WASHC4: variants seen among roughly 807,000 people sequenced by gnomAD.
WASHC4 encodes WASH complex subunit 4.
A neutral mutation model predicts 166.6 loss-of-function variants in WASHC4; 86 were observed. The ratio of observed to expected loss-of-function variants is 0.52; its 90% CI spans 0.43 to 0.62. WASHC4 has a LOEUF of 0.62. Ranked by LOEUF, WASHC4 falls within the 20% of genes least tolerant of loss-of-function variation. The pLI, the probability that WASHC4 is intolerant of heterozygous loss-of-function variation, is 0.00. For missense variants in WASHC4, 1,262 were observed against 1,382.4 expected (o/e 0.91, Z 1.38); for synonymous variants, 446 against 451.6 (o/e 0.99, Z 0.16).
At chr12:105,131,156 G>T (rs948831340) in intron 13 of WASHC4, among the ~76,000 whole-genome samples, 1 of 149,942 alleles carries the variant, frequency 6.7e-6, no homozygotes, top group Admixed American at 6.6e-5. Flanking sequence ...GCGCAATCTC[G>T]GCTCACTGCA....
Position 105,167,259 on chromosome 12 carries a change from T to G in WASHC4, c.*328T>G. The G allele has an allele frequency of 3.3e-6, 1 of 301,014 alleles. No homozygotes were observed. Among genetic ancestry groups the G allele is most frequent in the South Asian group, 3.9e-5 (1 of 25,820 alleles). 18.6% of individuals were successfully genotyped at this position (301,014 alleles called of 1,614,324 possible). On this transcript the variant is annotated 3_prime_UTR_variant, in exon 33 of 33. Transcript: ENST00000332180. ...TCTTGTAATCTACATGTTTGTAATT[T>G]GTATTTGCATAGATCTTTGATCTAT...
intron 24 of WASHC4, chr12:105,148,752 A>G: frequency 1.0e-6 from 1 of 985,444 alleles, no homozygotes; most frequent in South Asian, 4.7e-5. Flanking sequence ...CATTAGTAAT[A>G]CTTGAGAGTT....
chr12:105,146,631 AAAT>A (rs1350285895), intron 23 of WASHC4, 105 bp downstream of exon 23: 9 of 709,376 alleles, frequency 1.3e-5, no homozygotes, highest in East Asian at 5.3e-5. Flanking sequence ...ATGAAACAAA[AAAT>A]AATTGTTTTC....
At chr12:105,143,281 T>G in intron 20 of WASHC4, 38 bp downstream of exon 20, 1 of 1,193,906 alleles carries the variant, frequency 8.4e-7, no homozygotes, top group South Asian at 1.2e-5. Context: ...TTAAAACATG[T>G]TTGGAATGTA....
chr12:105,151,087 G>A (rs111464963), intron 25 of WASHC4, among the ~76,000 whole-genome samples: 9 of 141,502 alleles, frequency 6.4e-5, no homozygotes, highest in African/African-American at 2.1e-4. Flanking sequence ...GGAGGTTGCA[G>A]TGAGCCGAGA....
chr12:105,118,228 T>G (rs1036249408), intron 6 of WASHC4, among the ~76,000 whole-genome samples: 1 of 152,140 alleles, frequency 6.6e-6, no homozygotes, highest in Non-Finnish European at 1.5e-5. Flanking sequence ...ATGAATGAAA[T>G]GCAGTGGGAA....
At chr12:105,142,359 A>T (rs1566016769) in intron 18 of WASHC4, 94 bp from the exon 19 acceptor site, 3 of 768,556 alleles carry the variant, frequency 3.9e-6, no homozygotes, top group Non-Finnish European at 7.0e-6. Flanking sequence ...ACTGTGTAAG[A>T]TGGAACTCTT....
chr12:105,151,054 A>G lies in WASHC4; in HGVS notation c.2650-1289A>G, dbSNP rs377159910. 3.5e-4 allele frequency among the ~76,000 whole-genome samples: 53 copies of G among 151,364 alleles called. 1 individual carries two copies. Among genetic ancestry groups the G allele is most frequent in the Middle Eastern group, 3.4e-3 (1 of 294 alleles). The stretch of plus-strand genomic sequence containing the variant: ...AGCCAAGCTATATCACTGAGGCACA[A>G]GAATCACTTGAACCTAGGAGGTGGA... On this transcript the variant is annotated intron_variant, in intron 25 of 32. Transcript: ENST00000332180.
intron 10 of WASHC4, among the ~76,000 whole-genome samples, chr12:105,125,479 T>C (rs1385124734): frequency 6.6e-6 from 1 of 152,204 alleles, no homozygotes; most frequent in Admixed American, 6.5e-5. Flanking sequence ...ACAAAAGTTA[T>C]ATGAAGATTT....
At position 105,114,398 on chromosome 12, in the gene WASHC4, T is replaced by C; in HGVS notation, c.292T>C (p.Cys98Arg). The change falls in exon 4 of 33, where the codon TGT (cysteine) becomes CGT (arginine). Residue 98 changes from cysteine (C) to arginine (R), a missense_variant. Transcript: ENST00000332180. Reference protein sequence around the residue: ...NKVITVYAALCCEIKKLKYEA... With the variant: ...NKVITVYAALRCEIKKLKYEA... The stretch of plus-strand genomic sequence containing the variant: ...AGTCATCACTGTTTATGCTGCACTT[T>C]GTTGTGAAATCAAGAAATTAAAATA... 1.3e-6 allele frequency: 2 copies of C among 1,596,408 alleles called. No homozygotes were observed. Among genetic ancestry groups the C allele is most frequent in the Non-Finnish European group, 1.7e-6 (2 of 1,169,254 alleles).
rs564918895 is a variant in WASHC4, at chr12:105,119,076, A to G, written c.518+548A>G. Among the ~76,000 whole-genome samples, 3 of 152,358 alleles carry G rather than the reference A, an allele frequency of 2.0e-5. No individual in the cohort carries two copies. The South Asian group carries it at 6.2e-4, about 32-fold the overall frequency. On this transcript the variant is annotated intron_variant, in intron 7 of 32. Transcript: ENST00000332180. ...TTGGAGGGCTGAAAGGACAAAGAGA[A>G]CAGTGAGTTCATCCGGAGGAAACAG...
intron 26 of WASHC4, among the ~76,000 whole-genome samples, chr12:105,153,550 A>T (rs1214894307): frequency 1.3e-5 from 2 of 152,224 alleles, no homozygotes; most frequent in Non-Finnish European, 2.9e-5. Flanking sequence ...CGGCAAACTT[A>T]TGGAGCAATA....
At chr12:105,160,928 A>G (rs4964335) in intron 29 of WASHC4, among the ~76,000 whole-genome samples, 26,731 of 152,154 alleles carry the variant, frequency 0.18, 2,538 homozygotes, top group East Asian at 0.25. Context: ...TTCTTGCTCT[A>G]ACTCTGTAGT....
chr12:105,118,245 G>A (rs371775553), intron 6 of WASHC4, among the ~76,000 whole-genome samples: 1 of 152,218 alleles, frequency 6.6e-6, no homozygotes, highest in African/African-American at 2.4e-5. Context: ...GGAACAAAGA[G>A]ATAGGAACGA....
chr12:105,130,678 G>A (rs1231346814), intron 13 of WASHC4, among the ~76,000 whole-genome samples: 1 of 148,476 alleles, frequency 6.7e-6, no homozygotes, highest in Non-Finnish European at 1.5e-5. Context: ...TGAGTAGGGA[G>A]CAATGGAGAG....
chr12:105,151,755 C>T (rs1002349684), intron 25 of WASHC4, among the ~76,000 whole-genome samples: 1 of 152,220 alleles, frequency 6.6e-6, no homozygotes, highest in Non-Finnish European at 1.5e-5. Flanking sequence ...GCTGGGATTA[C>T]AGGCATGAGC....
In WASHC4 at chr12:105,164,793, C is replaced by T. The variant is rs1038013435; in HGVS notation, c.3454+53C>T. On this transcript the variant is annotated intron_variant, in intron 32 of 32. Coordinates refer to ENST00000332180, the MANE Select transcript of WASHC4 (RefSeq NM_015275.3). ...ACCAATAAATGTCTTTAGTAATAGA[C>T]AGTAATGCACCATTTTATCTGGTCA... 6.9e-6 allele frequency: 8 copies of T among 1,164,776 alleles called. No individual in the cohort carries two copies. In the African/African-American group the frequency reaches 1.1e-4, roughly 15 times the overall value. 72.2% of individuals were successfully genotyped at this position (1,164,776 alleles called of 1,614,324 possible).
intron 1 of WASHC4, among the ~76,000 whole-genome samples, chr12:105,109,787 T>C (rs1285549588): frequency 6.6e-6 from 1 of 151,994 alleles, no homozygotes; most frequent in Non-Finnish European, 1.5e-5. Flanking sequence ...GCTGGCTGAT[T>C]TTTTCTTTTT....
intron 29 of WASHC4, 138 bp downstream of exon 29, chr12:105,160,286 C>T (rs1459099043): frequency 2.7e-6 from 2 of 736,492 alleles, no homozygotes; most frequent in Non-Finnish European, 2.3e-6. Context: ...AATGTGATCT[C>T]AGTGAATGTG....
Sources: allele counts gnomAD v4.1 joint callset (sites outside exome capture counted in the v4.1 genomes callset), GRCh38; gene constraint gnomAD v4.1.1; transcripts MANE v1.5; gene names NCBI Gene and HGNC (gene_info 2026-07-23, HGNC 2026-07-21).